ANKRD30A: variants seen among roughly 807,000 people sequenced by gnomAD.
The protein encoded by ANKRD30A is ankyrin repeat domain-containing protein 30A.
Under a neutral mutation model 166.3 loss-of-function variants are expected in ANKRD30A, and 170 were observed. The observed-to-expected ratio is 1.02, with a 90% CI of 0.90 to 1.16. The LOEUF is 1.16. Ranked by LOEUF, ANKRD30A falls within the 50% of genes most tolerant of loss-of-function variation. The pLI, the probability that ANKRD30A is intolerant of heterozygous loss-of-function variation, is 0.00. For missense variants in ANKRD30A, 1,630 were observed against 1,518.0 expected (o/e 1.07, Z -1.23); for synonymous variants, 564 against 508.9 (o/e 1.11, Z -1.46).
rs531754209 is a variant in ANKRD30A at position 37,207,073 on chromosome 10, A to G, written c.2869+5748A>G. On this transcript the variant is annotated intron_variant, in intron 31 of 35. Transcript: ENST00000361713. ...TACATGAGGGGATCAAAAAACATTC[A>G]GATGGATAAGTGAGAGGATGCAAAA... 7.9e-5 allele frequency among the ~76,000 whole-genome samples: 12 copies of G among 152,296 alleles called. No homozygotes were observed. The East Asian group carries it at 1.9e-3, about 24-fold the overall frequency.
intron 27 of ANKRD30A, among the ~76,000 whole-genome samples, chr10:37,196,213 C>T (rs1588898759): frequency 6.7e-6 from 1 of 150,200 alleles, no homozygotes; most frequent in African/African-American, 2.4e-5. Context: ...GAACTCACTT[C>T]AGATGCATGT....
intron 6 of ANKRD30A, among the ~76,000 whole-genome samples, chr10:37,138,009 G>A (rs930206773): frequency 1.3e-4 from 20 of 152,096 alleles, no homozygotes; most frequent in African/African-American, 3.6e-4. Flanking sequence ...TCACACGCCC[G>A]GGTACTCCTC....
At chr10:37,197,381 A>T (rs746428881) in intron 28 of ANKRD30A, 27 bp from the exon 29 acceptor site, 4 of 1,612,446 alleles carry the variant, frequency 2.5e-6, no homozygotes, top group Middle Eastern at 1.9e-4. Context: ...ATTCTTTATT[A>T]ATCATTTTGC....
intron 25 of ANKRD30A, among the ~76,000 whole-genome samples, chr10:37,190,268 C>T (rs1011242447): frequency 1.3e-4 from 20 of 151,962 alleles, no homozygotes; most frequent in Non-Finnish European, 2.2e-4. Context: ...AAAAAGTTCT[C>T]AGGTGATGCT....
intron 13 of ANKRD30A, 30 bp downstream of exon 13, chr10:37,153,692 T>C (rs1388238411): frequency 5.0e-6 from 8 of 1,608,470 alleles, no homozygotes; most frequent in Non-Finnish European, 5.1e-6. Flanking sequence ...TAAAAATCAG[T>C]TGACCGAATA....
chr10:37,240,819 A>G, the ANKRD30A span: 2 of 152,232 alleles, frequency 1.3e-5, no homozygotes, highest in South Asian at 4.1e-4. Flanking sequence ...CATGATATCT[A>G]TTACTTTGTG....
intron 2 of ANKRD30A, 60 bp downstream of exon 2, chr10:37,130,067 A>G (rs1482243969): frequency 1.0e-5 from 13 of 1,271,628 alleles, no homozygotes; most frequent in Non-Finnish European, 1.2e-5. Context: ...ATAGAATAAA[A>G]ATGAATTTAT....
At chr10:37,207,882 A>G (rs1159612922) in intron 31 of ANKRD30A, among the ~76,000 whole-genome samples, 1 of 152,094 alleles carries the variant, frequency 6.6e-6, no homozygotes, top group Admixed American at 6.6e-5. Context: ...ATTGATGAAT[A>G]ATTTATCCTG....
At position 37,213,385 on chromosome 10, in the gene ANKRD30A, G is replaced by A. The variant is rs1842439049; in HGVS notation, c.2870-2796G>A. On this transcript the variant is annotated intron_variant, in intron 31 of 35. Transcript: ENST00000361713. ...CAGGGCATTAATCCATTTATGAAGG[G>A]TTGGCCCTCATGACCTAATTACATC... Among the ~76,000 whole-genome samples the A allele has an allele frequency of 2.0e-5, 3 of 151,666 alleles. No individual in the cohort carries two copies. In the South Asian group the frequency reaches 6.2e-4, roughly 31 times the overall value.
chr10:37,248,314 C>T, the ANKRD30A span: 1 of 399,140 alleles, frequency 2.5e-6, no homozygotes, highest in Non-Finnish European at 4.9e-6. Context: ...GGTCATCTGC[C>T]TATGAGATAT....
chr10:37,215,902 C>T (rs888146127), intron 31 of ANKRD30A, among the ~76,000 whole-genome samples: 18 of 151,256 alleles, frequency 1.2e-4, no homozygotes, highest in Admixed American at 4.6e-4. Context: ...TTCTGTGGGC[C>T]TAGTATATAT....
chr10:37,224,354 TTTTTAG>T (rs1401194105), intron 34 of ANKRD30A, among the ~76,000 whole-genome samples: 2 of 151,216 alleles, frequency 1.3e-5, no homozygotes, highest in Non-Finnish European at 3.0e-5. Flanking sequence ...TCTTTGATTT[TTTTTAG>T]TTTTAAAATA....
chr10:37,129,809 A>G (rs549771613), intron 1 of ANKRD30A, 84 bp from the exon 2 acceptor site: 3 of 690,524 alleles, frequency 4.3e-6, no homozygotes, highest in East Asian at 3.3e-5. Flanking sequence ...AGAGCGTGGT[A>G]TTTAATGTTT....
At chr10:37,206,628 A>G (rs748337039) in intron 31 of ANKRD30A, among the ~76,000 whole-genome samples, 1 of 152,034 alleles carries the variant, frequency 6.6e-6, no homozygotes, top group Non-Finnish European at 1.5e-5. Flanking sequence ...AGTCTCTACT[A>G]AAAATACAAA....
At chr10:37,126,490 G>A (rs1425040540) in intron 1 of ANKRD30A, among the ~76,000 whole-genome samples, 1 of 152,156 alleles carries the variant, frequency 6.6e-6, no homozygotes, top group East Asian at 1.9e-4. Context: ...ATCAATGAAT[G>A]TCTATGTAAA....
At chr10:37,130,630 CCCAT>C (rs1836327548) in intron 3 of ANKRD30A, among the ~76,000 whole-genome samples, 1 of 152,062 alleles carries the variant, frequency 6.6e-6, no homozygotes, top group African/African-American at 2.4e-5. Context: ...AATATTCTTT[CCCAT>C]CCAAGTTTTT....
At chr10:37,155,674 A>G (rs34964983) in intron 13 of ANKRD30A, among the ~76,000 whole-genome samples, 15 of 152,194 alleles carry the variant, frequency 9.9e-5, no homozygotes, top group East Asian at 1.9e-4. Flanking sequence ...CAGCATATAC[A>G]TATTGGTATT....
the ANKRD30A span, chr10:37,242,064 C>G: frequency 6.6e-6 from 1 of 152,078 alleles, no homozygotes; most frequent in Admixed American, 6.5e-5. Context: ...TATTACTTGT[C>G]TATAATATTC....
chr10:37,238,014 G>A, the ANKRD30A span, among the ~76,000 whole-genome samples: 2 of 152,130 alleles, frequency 1.3e-5, no homozygotes, highest in Admixed American at 1.3e-4. Context: ...TTGAAAATAT[G>A]CATAAAATTA....
Sources: gnomAD v4.1 joint callset for allele counts (sites outside exome capture counted in the v4.1 genomes callset) on GRCh38, gnomAD v4.1.1 for gene constraint, MANE v1.5 for transcripts, NCBI Gene and HGNC (gene_info 2026-07-23, HGNC 2026-07-21) for gene names.